Variants in PCCB observed in about 807,000 individuals in gnomAD.
PCCB encodes the protein propionyl-CoA carboxylase beta chain, mitochondrial.
In PCCB, 43 loss-of-function variants were observed where a neutral mutation model predicts 60.7. The observed-to-expected ratio is 0.71, with a 90% CI of 0.55 to 0.91. The LOEUF (loss-of-function observed/expected upper bound fraction) is 0.91. Among genes scored for constraint, PCCB ranks in the 40% least tolerant of loss-of-function variants. The pLI, the probability that PCCB is intolerant of heterozygous loss-of-function variation, is 0.00. For synonymous variants in PCCB, 276 were observed against 255.9 expected (o/e 1.08, Z -0.75); for missense variants, 766 against 702.8 (o/e 1.09, Z -1.02).
At chr3:136,292,415 A>G (rs1393173554) in intron 6 of PCCB, among the ~76,000 whole-genome samples, 4 of 152,236 alleles carry the variant, frequency 2.6e-5, no homozygotes, top group Admixed American at 1.3e-4. Context: ...TCCTTAGTAC[A>G]TAAAAAAGCC....
At chr3:136,301,873 C>T (rs1352631835) in intron 9 of PCCB, among the ~76,000 whole-genome samples, 7 of 152,166 alleles carry the variant, frequency 4.6e-5, no homozygotes, top group Non-Finnish European at 7.3e-5. Context: ...TTTGCAGGGG[C>T]ACGTGCAATC....
At chr3:136,277,369 C>G (rs554995263) in intron 5 of PCCB, among the ~76,000 whole-genome samples, 81 of 152,232 alleles carry the variant, frequency 5.3e-4, no homozygotes, top group South Asian at 1.0e-3. Flanking sequence ...CTGGAGGTAG[C>G]GTTTACAAAA....
chr3:136,319,370 T>TGA (rs896155948), intron 10 of PCCB, among the ~76,000 whole-genome samples: 2 of 151,850 alleles, frequency 1.3e-5, no homozygotes, highest in African/African-American at 4.9e-5. Flanking sequence ...CTTTTGATCA[T>TGA]GTCTTTTGAT....
chr3:136,264,175 T>A (rs1941905512), intron 5 of PCCB, among the ~76,000 whole-genome samples: 1 of 152,124 alleles, frequency 6.6e-6, no homozygotes, highest in Non-Finnish European at 1.5e-5. Flanking sequence ...TTCTGAAATA[T>A]TTGAGAATAA....
At chr3:136,319,021 C>T (rs1179762691) in intron 10 of PCCB, among the ~76,000 whole-genome samples, 6 of 152,208 alleles carry the variant, frequency 3.9e-5, no homozygotes, top group African/African-American at 1.4e-4. Flanking sequence ...CACTATTTTA[C>T]ATTCCCACCA....
At chr3:136,271,241 G>GT (rs1340255298) in intron 5 of PCCB, among the ~76,000 whole-genome samples, 1 of 152,088 alleles carries the variant, frequency 6.6e-6, no homozygotes, top group African/African-American at 2.4e-5. Flanking sequence ...AATTTTTATG[G>GT]TTTCAGGTCT....
intron 5 of PCCB, among the ~76,000 whole-genome samples, chr3:136,262,954 GTT>G (rs570598390): frequency 4.0e-4 from 49 of 122,840 alleles, no homozygotes; most frequent in East Asian, 2.9e-3. Flanking sequence ...TCTGGAGGAG[GTT>G]TTTTTTTTTT....
At chr3:136,267,738 C>T (rs750019439) in intron 5 of PCCB, among the ~76,000 whole-genome samples, 16 of 152,178 alleles carry the variant, frequency 1.1e-4, no homozygotes, top group Non-Finnish European at 1.5e-4. Context: ...CCTCCTACCT[C>T]GGCTTCCTAG....
chr3:136,271,943 T>C lies in PCCB; in HGVS notation c.543+9878T>C, dbSNP rs550228741. ...TGGGCATCCTTGTCTTGTTCCAGTT[T>C]TCAGGGGGAATGCTTTCAACTTTTC... On this transcript the variant is annotated intron_variant, in intron 5 of 14. Transcript: ENST00000251654. Among the ~76,000 whole-genome samples the C allele has an allele frequency of 2.2e-4, 34 of 152,306 alleles. No homozygotes were observed. In the South Asian group the frequency reaches 4.1e-3, roughly 19 times the overall value.
chr3:136,261,546 A>C (rs950032747), intron 4 of PCCB, among the ~76,000 whole-genome samples: 2 of 151,364 alleles, frequency 1.3e-5, no homozygotes, highest in African/African-American at 4.9e-5. Flanking sequence ...GCCTGCCCTC[A>C]GATTAACAGA....
At chr3:136,311,712 C>A (rs1400800463) in intron 9 of PCCB, among the ~76,000 whole-genome samples, 1 of 152,090 alleles carries the variant, frequency 6.6e-6, no homozygotes. Flanking sequence ...GTAATCCCAG[C>A]ACTTTAGGAA....
chr3:136,266,246 T>A lies in PCCB; in HGVS notation c.543+4181T>A, dbSNP rs560818476. Among the ~76,000 whole-genome samples the A allele has an allele frequency of 3.2e-4, 49 of 151,144 alleles. 1 individual carries two copies. The highest frequency in any genetic ancestry group is 6.2e-4 in the Non-Finnish European group (42 of 67,730). Reference sequence around the variant, plus strand: ...CAGGTTCAAGTGATTGCCCTGCCTCTGCCTCCCGAGCAGCTGGGATTACAG... The same window carrying A: ...CAGGTTCAAGTGATTGCCCTGCCTCAGCCTCCCGAGCAGCTGGGATTACAG... On this transcript the variant is annotated intron_variant, in intron 5 of 14. Coordinates refer to ENST00000251654, the MANE Select transcript of PCCB (RefSeq NM_000532.5).
intron 5 of PCCB, among the ~76,000 whole-genome samples, chr3:136,266,131 GTTT>G (rs757902404): frequency 8.0e-6 from 1 of 124,916 alleles, no homozygotes; most frequent in Non-Finnish European, 1.7e-5. Context: ...CCCAGCCTTG[GTTT>G]TTTTTTTTTT....
intron 9 of PCCB, among the ~76,000 whole-genome samples, chr3:136,313,056 G>C (rs960380020): frequency 1.3e-5 from 2 of 152,202 alleles, no homozygotes; most frequent in African/African-American, 4.8e-5. Context: ...TTTCTCATAT[G>C]TTAGATTGGC....
intron 8 of PCCB, among the ~76,000 whole-genome samples, chr3:136,299,202 A>G (rs1437826617): frequency 6.6e-6 from 1 of 152,060 alleles, no homozygotes; most frequent in Non-Finnish European, 1.5e-5. Context: ...ATATCCATAT[A>G]TATGTATACA....
In PCCB at chr3:136,293,709, A is replaced by T. The variant is rs1050044176; in HGVS notation, c.655-47A>T. On this transcript the variant is annotated intron_variant, in intron 6 of 14. Transcript: ENST00000251654. ...CTGAATCAACTCTAAGGCTGTGACC[A>T]GCTCTGGTGCTCTGAGGTTGACTGT... is the stretch of plus-strand genomic sequence containing the variant. 9 of 1,169,964 alleles carry T rather than the reference A, an allele frequency of 7.7e-6. No homozygotes were observed. In the African/African-American group the frequency reaches 1.1e-4, roughly 14 times the overall value. The allele number at this position is 1,169,964 out of a possible 1,614,324, so 72.5% of individuals were successfully genotyped here.
intron 10 of PCCB, among the ~76,000 whole-genome samples, chr3:136,320,141 A>G (rs962996825): frequency 6.6e-6 from 1 of 152,214 alleles, no homozygotes; most frequent in Middle Eastern, 3.2e-3. Flanking sequence ...GTGTCTTCCA[A>G]CTTTATTGTT....
intron 3 of PCCB, chr3:136,259,114 C>T: frequency 7.0e-7 from 1 of 1,419,966 alleles, no homozygotes; most frequent in Non-Finnish European, 9.2e-7. Flanking sequence ...AATGAAGATC[C>T]ATAAGCAGAA....
intron 5 of PCCB, among the ~76,000 whole-genome samples, chr3:136,270,561 A>G (rs1942169173): frequency 6.6e-6 from 1 of 152,046 alleles, no homozygotes; most frequent in South Asian, 2.1e-4. Flanking sequence ...GCTGGAGTAC[A>G]ATGGCGCGAT....
Sources: gnomAD v4.1 joint callset for allele counts (sites outside exome capture counted in the v4.1 genomes callset) on GRCh38, gnomAD v4.1.1 for gene constraint, MANE v1.5 for transcripts, NCBI Gene and HGNC (gene_info 2026-07-23, HGNC 2026-07-21) for gene names.